Variants in PIK3R3 observed in about 807,000 individuals in gnomAD.
The protein encoded by PIK3R3 is phosphatidylinositol 3-kinase regulatory subunit gamma.
A neutral mutation model predicts 62.9 loss-of-function variants in PIK3R3; 64 were observed. The ratio of observed to expected loss-of-function variants is 1.02; its 90% CI spans 0.83 to 1.25. The LOEUF (loss-of-function observed/expected upper bound fraction) is 1.25, where lower values mean the gene tolerates loss of function less well. Among genes scored for constraint, PIK3R3 ranks in the 50% most tolerant of loss-of-function variants. The probability of loss-of-function intolerance (pLI) is 0.00; values close to 1 mark genes in which losing one functional copy is unlikely to be tolerated. For missense variants in PIK3R3, 614 were observed against 561.6 expected, an observed-to-expected ratio of 1.09 and a Z score of -0.94; for synonymous variants, 165 against 189.0, an observed-to-expected ratio of 0.87 and a Z score of 1.04.
Position 46,055,860 on chromosome 1 carries a change from A to G in PIK3R3, c.876T>C (p.Asp292=), listed in dbSNP as rs61751015. Reference sequence around the variant, plus strand: ...CAGGTTTGATGCTATTCATTTTTTTATCTATTTCTCGGTTGTCCAAAGCTT... The same window carrying G: ...CAGGTTTGATGCTATTCATTTTTTTGTCTATTTCTCGGTTGTCCAAAGCTT... The part of the protein sequence containing the change: ...KNQALDNREI[D]KKMNSIKPDL... The change falls in exon 7 of 10, where the codon GAT becomes GAC. Residue 292 remains aspartate, a synonymous_variant. Transcript: ENST00000262741. 2,552 of 1,609,632 alleles carry G rather than the reference A, an allele frequency of 1.6e-3. 6 individuals are homozygous for G. The highest frequency in any genetic ancestry group is 1.9e-3 in the Non-Finnish European group (2,288 of 1,178,248).
intron 5 of PIK3R3, among the ~76,000 whole-genome samples, chr1:46,062,541 C>T (rs540397844): frequency 3.9e-5 from 6 of 151,974 alleles, no homozygotes; most frequent in Non-Finnish European, 7.4e-5. Flanking sequence ...TGCCACTGCA[C>T]TCCAGCCTGG....
intron 1 of PIK3R3, among the ~76,000 whole-genome samples, chr1:46,092,421 T>C (rs1287790784): frequency 6.6e-6 from 1 of 152,230 alleles, no homozygotes; most frequent in Non-Finnish European, 1.5e-5. Flanking sequence ...TGGAGTGCAG[T>C]GGTGCTATCT....
At chr1:46,137,374 A>C (rs1375708419), upstream of PIK3R3, among the ~76,000 whole-genome samples, 2 of 152,196 alleles carry the variant, frequency 1.3e-5, no homozygotes, top group Non-Finnish European at 2.9e-5. Flanking sequence ...GTGTTGGGGG[A>C]GCCCCAAAAA....
At chr1:46,166,786 A>G in the PIK3R3 span, among the ~76,000 whole-genome samples, 1 of 152,232 alleles carries the variant, frequency 6.6e-6, no homozygotes, top group African/African-American at 2.4e-5. Flanking sequence ...AAGCAAGACA[A>G]TGGAGCCGCT....
At chr1:46,122,553 A>T (rs1278889998) in intron 1 of PIK3R3, among the ~76,000 whole-genome samples, 2 of 152,214 alleles carry the variant, frequency 1.3e-5, no homozygotes, top group South Asian at 4.2e-4. Flanking sequence ...TTTTTAGTAG[A>T]GATAGGGTTT....
At chr1:46,134,882 A>G (rs1436775160), upstream of PIK3R3, among the ~76,000 whole-genome samples, 2 of 152,226 alleles carry the variant, frequency 1.3e-5, no homozygotes, top group African/African-American at 4.8e-5. Context: ...ACGTCCAAGC[A>G]CAGTATATAA....
the PIK3R3 span, among the ~76,000 whole-genome samples, chr1:46,153,788 A>G: frequency 6.6e-6 from 1 of 152,196 alleles, no homozygotes; most frequent in African/African-American, 2.4e-5. Flanking sequence ...CCTCTAAACC[A>G]CAAACTCCTT....
At chr1:46,074,906 ATG>A (rs775240606) in intron 3 of PIK3R3, among the ~76,000 whole-genome samples, 10 of 152,172 alleles carry the variant, frequency 6.6e-5, no homozygotes, top group Admixed American at 1.3e-4. Flanking sequence ...TGATGAGAGT[ATG>A]TGTTTGATTT....
chr1:46,080,326 T>C (rs1650462430), intron 2 of PIK3R3, among the ~76,000 whole-genome samples: 1 of 152,056 alleles, frequency 6.6e-6, no homozygotes, highest in Non-Finnish European at 1.5e-5. Flanking sequence ...CCTCCCAAAG[T>C]GCATGGCTTA....
intron 1 of PIK3R3, among the ~76,000 whole-genome samples, chr1:46,100,234 A>T (rs535190993): frequency 1.7e-4 from 26 of 152,306 alleles, no homozygotes; most frequent in African/African-American, 6.3e-4. Flanking sequence ...CTGCCCTAGT[A>T]TCATAAAAAC....
intron 1 of PIK3R3, among the ~76,000 whole-genome samples, chr1:46,118,647 C>T (rs1001549763): frequency 5.9e-5 from 9 of 151,382 alleles, no homozygotes; most frequent in African/African-American, 2.2e-4. Context: ...CCTCTGCCTC[C>T]CGGGTTCAAG....
the PIK3R3 span, among the ~76,000 whole-genome samples, chr1:46,152,927 T>A: frequency 1.3e-5 from 2 of 152,232 alleles, no homozygotes; most frequent in South Asian, 4.1e-4. Context: ...CTTGCTGGGC[T>A]CTCTTTATTT....
At chr1:46,131,191 A>T (rs1655551560) in intron 1 of PIK3R3, among the ~76,000 whole-genome samples, 1 of 152,230 alleles carries the variant, frequency 6.6e-6, no homozygotes, top group Admixed American at 6.5e-5. Flanking sequence ...TAAATTAAAG[A>T]GTAATAAAAT....
the PIK3R3 span, among the ~76,000 whole-genome samples, chr1:46,151,506 G>A: frequency 6.6e-6 from 1 of 152,150 alleles, no homozygotes; most frequent in South Asian, 2.1e-4. Flanking sequence ...TACTTTGAGA[G>A]GCCAAGGTGG....
At chr1:46,064,433 C>T (rs180733319) in intron 5 of PIK3R3, among the ~76,000 whole-genome samples, 16 of 151,644 alleles carry the variant, frequency 1.1e-4, no homozygotes, top group Non-Finnish European at 1.6e-4. Context: ...CCCAGCTATT[C>T]GGGAGGCTGA....
chr1:46,126,919 T>C (rs1277635420), intron 1 of PIK3R3, among the ~76,000 whole-genome samples: 1 of 152,190 alleles, frequency 6.6e-6, no homozygotes, highest in East Asian at 1.9e-4. Flanking sequence ...TTTTTAAGTC[T>C]AAAAGGGGTA....
intron 1 of PIK3R3, among the ~76,000 whole-genome samples, chr1:46,125,639 A>C (rs1246948776): frequency 6.6e-6 from 1 of 152,334 alleles, no homozygotes; most frequent in Middle Eastern, 3.4e-3. Flanking sequence ...GTAAGCAAAT[A>C]AGCTTCTTCG....
At chr1:46,058,491 C>T (rs1376980710) in intron 6 of PIK3R3, among the ~76,000 whole-genome samples, 1 of 152,208 alleles carries the variant, frequency 6.6e-6, no homozygotes, top group Non-Finnish European at 1.5e-5. Context: ...TGAAAGCAGC[C>T]AGGAGGGAGG....
the PIK3R3 span, among the ~76,000 whole-genome samples, chr1:46,158,028 T>G: frequency 6.6e-6 from 1 of 152,140 alleles, no homozygotes. Context: ...CTCCCTGCAT[T>G]TCTATCATCA....
Sources: gnomAD v4.1 joint callset for allele counts (sites outside exome capture counted in the v4.1 genomes callset) on GRCh38, gnomAD v4.1.1 for gene constraint, MANE v1.5 for transcripts, NCBI Gene and HGNC (gene_info 2026-07-23, HGNC 2026-07-21) for gene names.